NRXN1: variants seen among roughly 807,000 people sequenced by gnomAD.
NRXN1 encodes the protein neurexin 1.
NRXN1 carries 39 observed loss-of-function variants against 150.9 expected under a neutral mutation model. The observed-to-expected ratio is 0.26, with a 90% CI of 0.20 to 0.34. NRXN1 has a LOEUF of 0.34. Among genes scored for constraint, NRXN1 ranks in the 10% least tolerant of loss-of-function variants. The pLI is 1.00. For missense variants in NRXN1, 1,815 were observed against 1,949.9 expected, an observed-to-expected ratio of 0.93 and a Z score of 1.30; for synonymous variants, 924 against 757.0, an observed-to-expected ratio of 1.22 and a Z score of -3.62.
intron 15 of NRXN1, among the ~76,000 whole-genome samples, chr2:50,491,421 C>G (rs2091245814): frequency 6.6e-6 from 1 of 152,130 alleles, no homozygotes; most frequent in Admixed American, 6.5e-5. Context: ...TGAGTTGTTT[C>G]TGATTAGGGA....
chr2:50,091,361 T>C lies in NRXN1; in HGVS notation c.3680A>G (p.Gln1227Arg), dbSNP rs1558858613. 1.2e-6 allele frequency: 2 copies of C among 1,614,214 alleles called. No individual in the cohort carries two copies. The highest frequency in any genetic ancestry group is 1.7e-6 in the Non-Finnish European group (2 of 1,180,032). ...FTRSGGNATL[Q>R]VDSWPVIERY... Reference sequence around the variant, plus strand: ...CTCGATCACTGGCCAGCTGTCCACCTGCAACGTGGCATTGCCACCACTCCT... The same window carrying C: ...CTCGATCACTGGCCAGCTGTCCACCCGCAACGTGGCATTGCCACCACTCCT... Residue 1227 changes from glutamine to arginine, a missense_variant, in exon 19 of 23, where the codon CAG becomes CGG. Transcript: ENST00000401669.
intron 18 of NRXN1, among the ~76,000 whole-genome samples, chr2:50,170,730 G>A (rs549648114): frequency 6.6e-6 from 1 of 151,446 alleles, no homozygotes; most frequent in Admixed American, 6.6e-5. Context: ...TTTTGGATAA[G>A]GGACATTGAG....
intron 18 of NRXN1, among the ~76,000 whole-genome samples, chr2:50,106,682 T>C (rs934171520): frequency 1.3e-5 from 2 of 151,976 alleles, no homozygotes; most frequent in Admixed American, 1.3e-4. Context: ...GAAGTAATTA[T>C]AATACAATTT....
intron 5 of NRXN1, among the ~76,000 whole-genome samples, chr2:50,782,024 T>C (rs539070103): frequency 6.6e-6 from 1 of 152,308 alleles, no homozygotes; most frequent in East Asian, 1.9e-4. Context: ...TCAGTTGATA[T>C]ATTTTCTTCT....
At chr2:50,256,658 C>A (rs983473006) in intron 17 of NRXN1, among the ~76,000 whole-genome samples, 1 of 152,092 alleles carries the variant, frequency 6.6e-6, no homozygotes, top group Non-Finnish European at 1.5e-5. Context: ...AATAACAGAA[C>A]TTTTGAGTGT....
chr2:50,274,681 T>C (rs2070197910), intron 17 of NRXN1, among the ~76,000 whole-genome samples: 1 of 152,176 alleles, frequency 6.6e-6, no homozygotes. Flanking sequence ...TTTCTGAAGA[T>C]ATTGCCTCCA....
chr2:50,420,972 GTGTGTGTGTGTGTGTGTGTGT>G (rs1468812053), intron 17 of NRXN1, among the ~76,000 whole-genome samples: 3 of 86,828 alleles, frequency 3.5e-5, no homozygotes, highest in Admixed American at 1.2e-4. Flanking sequence ...CTGTGTGTGT[GTGTGTGTGTGTGTGTGTGTGT>G]GTGTGTGTGT....
At chr2:50,167,999 T>A (rs1439918915) in intron 18 of NRXN1, among the ~76,000 whole-genome samples, 1 of 151,844 alleles carries the variant, frequency 6.6e-6, no homozygotes, top group African/African-American at 2.4e-5. Context: ...TACAGAACAA[T>A]GCTTTTATTT....
intron 12 of NRXN1, among the ~76,000 whole-genome samples, chr2:50,509,155 G>C (rs1324738096): frequency 6.6e-6 from 1 of 152,186 alleles, no homozygotes; most frequent in African/African-American, 2.4e-5. Flanking sequence ...GTAGAACCAA[G>C]TTTCATCCTT....
chr2:50,115,649 G>A (rs1479503731), intron 18 of NRXN1, among the ~76,000 whole-genome samples: 1 of 151,382 alleles, frequency 6.6e-6, no homozygotes, highest in African/African-American at 2.4e-5. Flanking sequence ...CTTGGGAAAA[G>A]AAAAAAAATA....
chr2:50,659,459 T>C (rs77880990), intron 5 of NRXN1, among the ~76,000 whole-genome samples: 1 of 152,064 alleles, frequency 6.6e-6, no homozygotes, highest in East Asian at 1.9e-4. Flanking sequence ...CTTTTTTTTT[T>C]AGTACGCAAC....
intron 2 of NRXN1, among the ~76,000 whole-genome samples, chr2:50,933,068 A>C (rs1688004046): frequency 6.6e-6 from 1 of 152,112 alleles, no homozygotes; most frequent in Non-Finnish European, 1.5e-5. Flanking sequence ...AAAAACACGC[A>C]TTTAGAAAAT....
intron 2 of NRXN1, among the ~76,000 whole-genome samples, chr2:51,001,889 G>C (rs954079602): frequency 6.6e-6 from 1 of 151,908 alleles, no homozygotes; most frequent in African/African-American, 2.4e-5. Context: ...ACCTTCTCCT[G>C]AAGCAGGTCA....
chr2:50,836,646 G>A (rs1672146010), intron 5 of NRXN1, among the ~76,000 whole-genome samples: 1 of 151,888 alleles, frequency 6.6e-6, no homozygotes, highest in Admixed American at 6.6e-5. Context: ...AAAATGACAG[G>A]ATTTCCTCCC....
intron 17 of NRXN1, among the ~76,000 whole-genome samples, chr2:50,392,251 A>C (rs996629341): frequency 1.3e-5 from 2 of 152,170 alleles, no homozygotes; most frequent in African/African-American, 4.8e-5. Flanking sequence ...CTTCTCAGGT[A>C]GGCTTTTTAT....
intron 22 of NRXN1, among the ~76,000 whole-genome samples, chr2:49,927,065 A>G (rs1227359892): frequency 2.6e-5 from 4 of 152,220 alleles, no homozygotes; most frequent in African/African-American, 9.6e-5. Context: ...AGGTCAGGCC[A>G]GCAGGGGCCA....
At chr2:50,860,627 A>G (rs1014284308) in intron 5 of NRXN1, among the ~76,000 whole-genome samples, 1 of 152,090 alleles carries the variant, frequency 6.6e-6, no homozygotes, top group Non-Finnish European at 1.5e-5. Context: ...AGGCTGAGTC[A>G]GGCAGAGGTA....
chr2:50,020,235 C>T (rs1159994841), intron 21 of NRXN1, among the ~76,000 whole-genome samples: 1 of 152,080 alleles, frequency 6.6e-6, no homozygotes, highest in Non-Finnish European at 1.5e-5. Flanking sequence ...GTATCATCTC[C>T]TAAAGAAAGC....
chr2:50,557,424 C>T lies in NRXN1; in HGVS notation c.1321-4399G>A, dbSNP rs188022046. The stretch of plus-strand genomic sequence containing the variant: ...CCTCCCTGAGAGAACATGAATGACT[C>T]ATATTTTAATCTATCTTGGTTTTAT... On this transcript the variant is annotated intron_variant, in intron 8 of 22. Coordinates refer to ENST00000401669, the MANE Select transcript of NRXN1 (RefSeq NM_001330078.2). Among the ~76,000 whole-genome samples, 137 of 152,234 alleles carry T rather than the reference C, an allele frequency of 9.0e-4. 2 individuals carry two copies. The highest frequency in any genetic ancestry group is 3.2e-3 in the African/African-American group (132 of 41,548).
Sources: allele counts gnomAD v4.1 joint callset (sites outside exome capture counted in the v4.1 genomes callset), GRCh38; gene constraint gnomAD v4.1.1; transcripts MANE v1.5; gene names NCBI Gene and HGNC (gene_info 2026-07-23, HGNC 2026-07-21).